Variants in RGMA observed in about 807,000 individuals in gnomAD.
RGMA encodes the protein repulsive guidance molecule BMP co-receptor a.
A neutral mutation model predicts 23.2 loss-of-function variants in RGMA; 10 were observed. The ratio of observed to expected loss-of-function variants is 0.43; its 90% confidence interval spans 0.27 to 0.73. The LOEUF is 0.73. Among genes scored for constraint, RGMA ranks in the 30% least tolerant of loss-of-function variants. The pLI is 0.20. For synonymous variants in RGMA, 308 were observed against 279.3 expected (o/e 1.10, Z -1.03); for missense variants, 547 against 630.5 (o/e 0.87, Z 1.42).
Position 93,045,051 on chromosome 15 carries a change from G to A in RGMA, c.1300C>T (p.Pro434Ser). The change falls in exon 4 of 4, where the codon CCC becomes TCC. Residue 434 changes from proline (P) to serine (S), a missense_variant. Coordinates refer to ENST00000329082, the MANE Select transcript of RGMA (RefSeq NM_020211.3). The surrounding 1 kb of genome is among the most constrained non-coding windows in gnomAD (Gnocchi z 6.9). Reference protein sequence around the residue: ...AAAGLPLAPRPLLGALVPLLA... With the variant: ...AAAGLPLAPRSLLGALVPLLA... ...AGCGGGACGAGGGCGCCCAGGAGGGGCCGGGGGGCCAGGGGCAGCCCCGCA... is the reference window on the plus strand; with the variant it reads ...AGCGGGACGAGGGCGCCCAGGAGGGACCGGGGGGCCAGGGGCAGCCCCGCA... 1.3e-6 allele frequency: 2 copies of A among 1,578,004 alleles called. No individual in the cohort carries two copies. Among genetic ancestry groups the A allele is most frequent in the South Asian group, 1.2e-5 (1 of 86,702 alleles).
intron 2 of RGMA, among the ~76,000 whole-genome samples, chr15:93,053,754 G>A (rs1250181059): frequency 6.6e-6 from 1 of 152,204 alleles, no homozygotes; most frequent in East Asian, 1.9e-4. Context: ...TGGAGCACAA[G>A]TCACCTTCCC....
At chr15:93,050,260 A>G (rs2054895834) in intron 3 of RGMA, among the ~76,000 whole-genome samples, 1 of 152,226 alleles carries the variant, frequency 6.6e-6, no homozygotes, top group Non-Finnish European at 1.5e-5. Flanking sequence ...TGTTTGCTCC[A>G]TCAATGAGTG....
At position 93,044,611 on chromosome 15, in the gene RGMA, C is replaced by T. The variant is rs908925835; in HGVS notation, c.*387G>A. 7 of 271,722 alleles carry T rather than the reference C, an allele frequency of 2.6e-5. No homozygotes were observed. Among genetic ancestry groups the T allele is most frequent in the Non-Finnish European group, 3.5e-5 (5 of 142,726 alleles). 16.8% of individuals were successfully genotyped at this position (271,722 alleles called of 1,614,324 possible). A position where few individuals can be genotyped will look rare whatever the true frequency, so the allele number is the denominator to read the frequency against. On this transcript the variant is annotated 3_prime_UTR_variant, in exon 4 of 4. Coordinates refer to ENST00000329082, the MANE Select transcript of RGMA (RefSeq NM_020211.3). ...GGCGGGCACAGGGGGCCCCACGGAT[C>T]GGCGAGCAGCAGTCGGCCGGGCCTT... is the stretch of plus-strand genomic sequence containing the variant.
chr15:93,077,654 C>G lies in RGMA; in HGVS notation c.15-4623G>C, dbSNP rs972204952. 5.9e-5 allele frequency among the ~76,000 whole-genome samples: 9 copies of G among 152,206 alleles called. 1 individual carries two copies. The highest frequency in any genetic ancestry group is 2.2e-4 in the African/African-American group (9 of 41,452). ...CATAGGATCGGTTTAGGGCAGCAATCTTGTGCGAGGGTGAGTGTTTATGAG... is the reference window on the plus strand; with the variant it reads ...CATAGGATCGGTTTAGGGCAGCAATGTTGTGCGAGGGTGAGTGTTTATGAG... On this transcript the variant is annotated intron_variant, in intron 1 of 3. Transcript: ENST00000329082.
rs79010957 is a variant in RGMA at position 93,052,639 on chromosome 15, G to A, written c.131-132C>T. On this transcript the variant is annotated intron_variant, in intron 2 of 3. Coordinates refer to ENST00000329082, the MANE Select transcript of RGMA (RefSeq NM_020211.3). ...AGAGCCACCCATGCCACACACAGAT[G>A]GTGAAAAATTTCCTGCAGGTGGTAG... is the stretch of plus-strand genomic sequence containing the variant. 7.6e-6 allele frequency: 8 copies of A among 1,045,932 alleles called. No homozygotes were observed. In the East Asian group the frequency reaches 1.6e-4, roughly 21 times the overall value. 64.8% of individuals were successfully genotyped at this position (1,045,932 alleles called of 1,614,324 possible).
intron 3 of RGMA, among the ~76,000 whole-genome samples, chr15:93,049,059 G>A (rs748357127): frequency 5.9e-5 from 9 of 152,234 alleles, no homozygotes; most frequent in Non-Finnish European, 1.0e-4. Context: ...GGACTCAACC[G>A]CAAGTAACAG....
intron 2 of RGMA, among the ~76,000 whole-genome samples, chr15:93,063,357 G>A (rs1245250322): frequency 3.9e-5 from 6 of 152,214 alleles, no homozygotes; most frequent in Admixed American, 2.6e-4. Context: ...TGAGACTCAC[G>A]CTGCCACCCC....
chr15:93,065,974 G>C (rs1298817699), intron 2 of RGMA: 11 of 1,067,964 alleles, frequency 1.0e-5, no homozygotes, highest in Non-Finnish European at 1.5e-5. Context: ...CCGTCGTCTG[G>C]GCCGCTGCGC....
Position 93,043,242 on chromosome 15 carries a change from A to ACG in RGMA, c.*1754_*1755dup, listed in dbSNP as rs796567378. On this transcript the variant is annotated 3_prime_UTR_variant, in exon 4 of 4. Transcript: ENST00000329082. ...GGCATGCGCACACATGCGTACATGCACGCACACAGGCACGCACACACACAG... is the reference window on the plus strand; with the variant it reads ...GGCATGCGCACACATGCGTACATGCACGCGCACACAGGCACGCACACACACAG... The ACG allele has an allele frequency of 0.038, 622 of 16,370 alleles. 4 individuals are homozygous for ACG. The highest frequency in any genetic ancestry group is 0.12 in the Non-Finnish European group (416 of 3,520). 1.0% of individuals were successfully genotyped at this position (16,370 alleles called of 1,614,324 possible). A position where few individuals can be genotyped will look rare whatever the true frequency, so the allele number is the denominator to read the frequency against.
rs1435086567 is a variant in RGMA, at chr15:93,041,573, G to C, written c.*3425C>G. ...CCAAACCAAGAATACTTTGTGGCTA[G>C]TGCCATTTAGCATTTTCGTCTAGTA... On this transcript the variant is annotated 3_prime_UTR_variant, in exon 4 of 4. Transcript: ENST00000329082. 2 of 152,302 alleles carry C rather than the reference G, an allele frequency of 1.3e-5. No individual in the cohort carries two copies. The highest frequency in any genetic ancestry group is 6.5e-5 in the Admixed American group (1 of 15,302). The allele number at this position is 152,302 out of a possible 1,614,324, so 9.4% of individuals were successfully genotyped here.
At chr15:93,055,719 C>A (rs1387240431) in intron 2 of RGMA, among the ~76,000 whole-genome samples, 4 of 152,246 alleles carry the variant, frequency 2.6e-5, no homozygotes, top group African/African-American at 9.6e-5. Flanking sequence ...TTTCTCCCTG[C>A]CTTGCCTCCA....
chr15:93,085,225 A>G (rs890752632), intron 1 of RGMA, among the ~76,000 whole-genome samples: 2 of 152,202 alleles, frequency 1.3e-5, no homozygotes, highest in Non-Finnish European at 2.9e-5. Context: ...ATGAAGATGA[A>G]AAAATGAAAT....
At chr15:93,073,888 CAG>C (rs1334684411) in intron 1 of RGMA, 4 of 1,461,328 alleles carry the variant, frequency 2.7e-6, no homozygotes, top group Non-Finnish European at 9.0e-7. Context: ...GCTGCCACTC[CAG>C]AGAGATGGCT....
intron 2 of RGMA, among the ~76,000 whole-genome samples, chr15:93,072,388 T>C (rs1242942229): frequency 2.0e-5 from 3 of 152,150 alleles, no homozygotes; most frequent in Non-Finnish European, 2.9e-5. Flanking sequence ...ACCAGCTCAT[T>C]TGAGCCGAGT....
In RGMA at chr15:93,052,303, T is replaced by C. The variant is rs1396815926; in HGVS notation, c.335A>G (p.Gln112Arg). The change falls in exon 3 of 4, where the codon CAG (glutamine) becomes CGG (arginine). Residue 112 changes from glutamine (Q) to arginine (R), a missense_variant. Transcript: ENST00000329082. ...GGGGCCATCCTTGGAGCAGTTGTGC[T>C]GGCTCATGAGGTCCTCTATGCCATG... is the stretch of plus-strand genomic sequence containing the variant. ...AVHGIEDLMS[Q>R]HNCSKDGPTS... 8.7e-6 allele frequency: 14 copies of C among 1,604,288 alleles called. No homozygotes were observed. Among genetic ancestry groups the C allele is most frequent in the Non-Finnish European group, 1.2e-5 (14 of 1,178,128 alleles).
chr15:93,066,939 A>G (rs1596098940), intron 2 of RGMA, among the ~76,000 whole-genome samples: 1 of 152,338 alleles, frequency 6.6e-6, no homozygotes, highest in South Asian at 2.1e-4. Flanking sequence ...AACCTCTCTG[A>G]CCCTGTGTTT....
chr15:93,072,568 G>T (rs1170620074), intron 2 of RGMA, among the ~76,000 whole-genome samples: 1 of 151,830 alleles, frequency 6.6e-6, no homozygotes, highest in Non-Finnish European at 1.5e-5. Flanking sequence ...CCCCAGCACC[G>T]AGGGCGTGCC....
In RGMA at chr15:93,044,646, T is replaced by C. The variant is rs542833800; in HGVS notation, c.*352A>G. The C allele has an allele frequency of 1.3e-4, 42 of 321,146 alleles. No individual in the cohort carries two copies. The South Asian group carries it at 1.8e-3, about 14-fold the overall frequency. The allele number at this position is 321,146 out of a possible 1,614,324, so 19.9% of individuals were successfully genotyped here. A position where few individuals can be genotyped will look rare whatever the true frequency, so the allele number is the denominator to read the frequency against. On this transcript the variant is annotated 3_prime_UTR_variant, in exon 4 of 4. Transcript: ENST00000329082. ...CAGTCGGCCGGGCCTTTCAGTGCAT[T>C]GCGAGGGGGAAGGAGCTGACTCTGA... is the stretch of plus-strand genomic sequence containing the variant.
intron 2 of RGMA, among the ~76,000 whole-genome samples, chr15:93,054,014 G>A (rs1341072144): frequency 6.6e-6 from 1 of 152,126 alleles, no homozygotes. Flanking sequence ...CAGATCATGT[G>A]AGGTCTGGAG....
Sources: allele counts gnomAD v4.1 joint callset (sites outside exome capture counted in the v4.1 genomes callset), GRCh38; gene constraint gnomAD v4.1.1; non-coding constraint Gnocchi (gnomAD v3.1); transcripts MANE v1.5; gene names NCBI Gene and HGNC (gene_info 2026-07-23, HGNC 2026-07-21).